KCNMB2: variants seen among roughly 807,000 people sequenced by gnomAD.
The protein encoded by KCNMB2 is potassium calcium-activated channel subfamily M regulatory beta subunit 2, also known as calcium-activated potassium channel subunit beta-2.
A neutral mutation model predicts 24.5 loss-of-function variants in KCNMB2; 9 were observed. The ratio of observed to expected loss-of-function variants is 0.37; its 90% CI spans 0.22 to 0.64. The LOEUF is 0.64. Ranked by LOEUF, KCNMB2 falls within the 30% of genes least tolerant of loss-of-function variation. KCNMB2 has a pLI of 0.63. For synonymous variants in KCNMB2, 109 were observed against 104.4 expected, an observed-to-expected ratio of 1.04 and a Z score of -0.27; for missense variants, 226 against 284.3, an observed-to-expected ratio of 0.79 and a Z score of 1.47.
chr3:178,792,924 C>A (rs1164273829), intron 1 of KCNMB2, among the ~76,000 whole-genome samples: 2 of 152,216 alleles, frequency 1.3e-5, no homozygotes, highest in East Asian at 1.9e-4. Context: ...TGGGCACACC[C>A]AAGGGCAGGC....
At chr3:178,697,589 A>C (rs1231811567) in intron 1 of KCNMB2, among the ~76,000 whole-genome samples, 1 of 152,140 alleles carries the variant, frequency 6.6e-6, no homozygotes, top group Non-Finnish European at 1.5e-5. Flanking sequence ...TATTTGGAGT[A>C]TTTAGCCCAT....
intron 1 of KCNMB2, among the ~76,000 whole-genome samples, chr3:178,772,012 C>T (rs1221339210): frequency 1.3e-5 from 2 of 152,096 alleles, no homozygotes; most frequent in African/African-American, 4.8e-5. Flanking sequence ...CTTACTTACT[C>T]GCCTCTAGCT....
At chr3:178,676,316 G>A (rs1209715172) in intron 1 of KCNMB2, among the ~76,000 whole-genome samples, 1 of 152,156 alleles carries the variant, frequency 6.6e-6, no homozygotes, top group Admixed American at 6.5e-5. Flanking sequence ...CATGGTTAGA[G>A]CTACAGTCTA....
chr3:178,820,959 A>G (rs1714603340), intron 2 of KCNMB2, among the ~76,000 whole-genome samples: 1 of 152,200 alleles, frequency 6.6e-6, no homozygotes, highest in South Asian at 2.1e-4. Context: ...GACCTTAAAT[A>G]TGGTGCTTTG....
intron 1 of KCNMB2, among the ~76,000 whole-genome samples, chr3:178,741,290 G>A (rs1316698509): frequency 1.3e-5 from 2 of 152,000 alleles, no homozygotes; most frequent in Non-Finnish European, 2.9e-5. Flanking sequence ...CAACTTACAG[G>A]GCTGTTTTAA....
chr3:178,625,410 C>T (rs933689286), intron 1 of KCNMB2, among the ~76,000 whole-genome samples: 2 of 152,210 alleles, frequency 1.3e-5, no homozygotes, highest in Admixed American at 6.5e-5. Flanking sequence ...AGCTCCGGCC[C>T]GCCCCTAGGC....
intron 1 of KCNMB2, among the ~76,000 whole-genome samples, chr3:178,580,765 CA>C (rs1308514184): frequency 1.3e-5 from 2 of 152,118 alleles, no homozygotes; most frequent in Non-Finnish European, 2.9e-5. Flanking sequence ...CTCCCATTCA[CA>C]ATTGCTACAA....
At chr3:178,561,142 C>T (rs1716301929) in intron 1 of KCNMB2, among the ~76,000 whole-genome samples, 2 of 152,176 alleles carry the variant, frequency 1.3e-5, no homozygotes, top group Non-Finnish European at 1.5e-5. Context: ...TATCATCTCA[C>T]TCCACTAAGA....
intron 1 of KCNMB2, among the ~76,000 whole-genome samples, chr3:178,547,211 G>A (rs371309943): frequency 2.8e-4 from 43 of 152,014 alleles, no homozygotes; most frequent in Admixed American, 2.5e-3. Flanking sequence ...TTGCTCTTCC[G>A]CTTTCCACCA....
chr3:178,658,954 TAAG>T (rs1409621014), intron 1 of KCNMB2, among the ~76,000 whole-genome samples: 3 of 152,286 alleles, frequency 2.0e-5, no homozygotes, highest in East Asian at 1.9e-4. Context: ...ATCAGATTAT[TAAG>T]AATACCAGGT....
rs71181237 is a variant in KCNMB2 at position 178,571,447 on chromosome 3, GATATATATATATATATATATAT to G, written c.-68+34754_-68+34775del. On this transcript the variant is annotated intron_variant, in intron 1 of 4. Transcript: ENST00000452583. ...TCTGTGGATCTGCCTTTTCCTTATG[GATATATATATATATATATATAT>G]ATATATATATATATATACTTTTTTC... is the stretch of plus-strand genomic sequence containing the variant. Among the ~76,000 whole-genome samples the G allele has an allele frequency of 3.2e-3, 289 of 91,114 alleles. 8 individuals are homozygous for G. The highest frequency in any genetic ancestry group is 8.1e-3 in the African/African-American group (245 of 30,204). The allele number at this position is 91,114 out of a possible 152,430, so 59.8% of individuals were successfully genotyped here. A position where few individuals can be genotyped will look rare whatever the true frequency, so the allele number is the denominator to read the frequency against.
chr3:178,816,870 T>C lies in KCNMB2; in HGVS notation c.57-8718T>C, dbSNP rs1447054746. Among the ~76,000 whole-genome samples the C allele has an allele frequency of 2.0e-5, 3 of 152,134 alleles. No homozygotes were observed. The East Asian group carries it at 5.8e-4, about 29-fold the overall frequency. Reference sequence around the variant, plus strand: ...AGGCCAGTACTTCTCAAAGTCTCCCTAGGTTATAACACCCTCACTTATCTG... The same window carrying C: ...AGGCCAGTACTTCTCAAAGTCTCCCCAGGTTATAACACCCTCACTTATCTG... On this transcript the variant is annotated intron_variant, in intron 2 of 4. Transcript: ENST00000452583.
intron 1 of KCNMB2, among the ~76,000 whole-genome samples, chr3:178,641,605 T>C (rs568095048): frequency 1.3e-5 from 2 of 152,238 alleles, no homozygotes; most frequent in African/African-American, 4.8e-5. Flanking sequence ...CACATAATCA[T>C]ATGTATGAAT....
chr3:178,672,732 T>A (rs1720945410), intron 1 of KCNMB2, among the ~76,000 whole-genome samples: 1 of 152,184 alleles, frequency 6.6e-6, no homozygotes, highest in Non-Finnish European at 1.5e-5. Flanking sequence ...ATATTTTTAC[T>A]AGGGAAGTTC....
rs184518595 is a variant in KCNMB2, at chr3:178,763,031, T to C, written c.-67-44312T>C. On this transcript the variant is annotated intron_variant, in intron 1 of 4. Coordinates refer to ENST00000452583, the MANE Select transcript of KCNMB2 (RefSeq NM_181361.3). ...GGGAGTCTTGGAAGTCACTTAGCGA[T>C]AGATGATAATTAAAGGCATGGAACT... Among the ~76,000 whole-genome samples, 33 of 152,130 alleles carry C rather than the reference T, an allele frequency of 2.2e-4. 1 individual carries two copies. The highest frequency in any genetic ancestry group is 2.2e-3 in the Admixed American group (33 of 15,264).
At chr3:178,550,250 A>T (rs1193630314) in intron 1 of KCNMB2, among the ~76,000 whole-genome samples, 3 of 151,690 alleles carry the variant, frequency 2.0e-5, no homozygotes, top group Middle Eastern at 6.8e-3. Context: ...GGAGATCGAG[A>T]CTGTCCTGGC....
In KCNMB2 at chr3:178,732,883, T is replaced by C. The variant is rs115468219; in HGVS notation, c.-67-74460T>C. ...ATTTATGGAACGTAACTACCACAAA[T>C]AATGAGACGAGGCTATCTTACAAAT... On this transcript the variant is annotated intron_variant, in intron 1 of 4. Coordinates refer to ENST00000452583, the MANE Select transcript of KCNMB2 (RefSeq NM_181361.3). Among the ~76,000 whole-genome samples the C allele has an allele frequency of 2.7e-3, 416 of 152,294 alleles. 5 individuals are homozygous for C. Among genetic ancestry groups the C allele is most frequent in the African/African-American group, 9.6e-3 (401 of 41,568 alleles).
intron 1 of KCNMB2, among the ~76,000 whole-genome samples, chr3:178,608,873 C>T (rs1473427565): frequency 6.6e-6 from 1 of 152,136 alleles, no homozygotes; most frequent in Non-Finnish European, 1.5e-5. Flanking sequence ...CCACATTTTT[C>T]TTTACCTGTT....
intron 1 of KCNMB2, among the ~76,000 whole-genome samples, chr3:178,719,981 GT>G (rs140503357): frequency 4.6e-5 from 7 of 150,898 alleles, no homozygotes; most frequent in South Asian, 2.1e-4. Context: ...TTTTTTCAGT[GT>G]TTTTTTTTAA....
Sources: allele counts gnomAD v4.1 joint callset (sites outside exome capture counted in the v4.1 genomes callset), GRCh38; gene constraint gnomAD v4.1.1; transcripts MANE v1.5; gene names NCBI Gene and HGNC (gene_info 2026-07-23, HGNC 2026-07-21).